Variants in DAB2IP observed in about 807,000 individuals in gnomAD.
The protein encoded by DAB2IP is disabled homolog 2-interacting protein.
Under a neutral mutation model 107.2 loss-of-function variants are expected in DAB2IP, and 28 were observed. The ratio of observed to expected loss-of-function variants is 0.26; its 90% CI spans 0.19 to 0.36. DAB2IP has a LOEUF of 0.36. Among genes scored for constraint, DAB2IP ranks in the 10% least tolerant of loss-of-function variants. The probability of loss-of-function intolerance (pLI) is 1.00; values close to 1 mark genes in which losing one functional copy is unlikely to be tolerated. For synonymous variants in DAB2IP, 755 were observed against 706.4 expected (o/e 1.07, Z -1.09); for missense variants, 1,400 against 1,644.7 (o/e 0.85, Z 2.57).
chr9:121,772,474 C>A lies in DAB2IP; in HGVS notation c.2079-133C>A. 1.1e-6 allele frequency: 1 copy of A among 943,304 alleles called. No homozygotes were observed. Among genetic ancestry groups the A allele is most frequent in the South Asian group, 1.6e-5 (1 of 62,312 alleles). 58.4% of individuals were successfully genotyped at this position (943,304 alleles called of 1,614,324 possible). ...TCCCACTCCTGCCACCCCAGCGCATCCATCTCCCCAGCGCTGGCTCAGGCT... is the reference window on the plus strand; with the variant it reads ...TCCCACTCCTGCCACCCCAGCGCATACATCTCCCCAGCGCTGGCTCAGGCT... On this transcript the variant is annotated intron_variant, in intron 11 of 15. Transcript: ENST00000408936. The surrounding 1 kb of genome is among the most constrained non-coding windows in gnomAD (Gnocchi z 4.7).
intron 3 of DAB2IP, chr9:121,737,764 T>G (rs1171501036): frequency 1.0e-6 from 1 of 985,188 alleles, no homozygotes; most frequent in African/African-American, 1.7e-5. Flanking sequence ...CAAGGAAACT[T>G]CCTCCCCGGT....
At chr9:121,757,766 AG>A (rs1246692184) in intron 4 of DAB2IP, among the ~76,000 whole-genome samples, 2 of 152,206 alleles carry the variant, frequency 1.3e-5, no homozygotes, top group Non-Finnish European at 2.9e-5. Flanking sequence ...CTATTGTTGC[AG>A]GTGTTCCTGG....
intron 13 of DAB2IP, 66 bp downstream of exon 13, chr9:121,774,478 C>T (rs1282075615): frequency 2.0e-6 from 3 of 1,492,674 alleles, no homozygotes; most frequent in Non-Finnish European, 2.7e-6. Context: ...TGGTAGGAGT[C>T]TCTCCCCCAG....
At chr9:121,618,892 C>G (rs1831365463) in intron 1 of DAB2IP, among the ~76,000 whole-genome samples, 1 of 152,152 alleles carries the variant, frequency 6.6e-6, no homozygotes, top group Admixed American at 6.5e-5. Flanking sequence ...CATCCCTAAT[C>G]TGGTCCCAAT....
In DAB2IP at chr9:121,736,175, A is replaced by ATTCC. The variant is rs1831890582; in HGVS notation, c.363-20838_363-20837insTTCC. Reference sequence around the variant, plus strand: ...GACCTCAGTTGTGTTCACTTGTTAAAATGTTGGAATGGAAATGTGGGGAAG... The same window carrying ATTCC: ...GACCTCAGTTGTGTTCACTTGTTAAATTCCATGTTGGAATGGAAATGTGGGGAAG... On this transcript the variant is annotated intron_variant, in intron 3 of 15. Coordinates refer to ENST00000408936, the Ensembl canonical transcript of DAB2IP. This position sits in a 1 kb window ranked among gnomAD's most constrained non-coding sequence, Gnocchi z 4.6. Among the ~76,000 whole-genome samples the ATTCC allele has an allele frequency of 6.6e-6, 1 of 152,160 alleles. No individual in the cohort carries two copies. Among genetic ancestry groups the ATTCC allele is most frequent in the East Asian group, 1.9e-4 (1 of 5,170 alleles).
intron 1 of DAB2IP, among the ~76,000 whole-genome samples, chr9:121,671,507 G>T (rs567500077): frequency 1.6e-4 from 24 of 152,246 alleles, no homozygotes; most frequent in Admixed American, 8.5e-4. Flanking sequence ...TTCTTTGGGG[G>T]ACCATCATTC....
rs1325231654 is a variant in DAB2IP, at chr9:121,736,774, G to A, written c.363-20239G>A. 2.0e-5 allele frequency among the ~76,000 whole-genome samples: 3 copies of A among 152,370 alleles called. No individual in the cohort carries two copies. In the East Asian group the frequency reaches 5.8e-4, roughly 29 times the overall value. On this transcript the variant is annotated intron_variant, in intron 3 of 15. Coordinates refer to ENST00000408936, the Ensembl canonical transcript of DAB2IP. The surrounding 1 kb of genome is among the most constrained non-coding windows in gnomAD (Gnocchi z 4.6). Reference sequence around the variant, plus strand: ...CTTGAAAAATGCATTCATTCATTCAGTACATCTGTCGAGTGTCTACTCTGT... The same window carrying A: ...CTTGAAAAATGCATTCATTCATTCAATACATCTGTCGAGTGTCTACTCTGT...
chr9:121,653,814 G>T (rs1451785645), intron 1 of DAB2IP, among the ~76,000 whole-genome samples: 1 of 152,178 alleles, frequency 6.6e-6, no homozygotes, highest in East Asian at 1.9e-4. Flanking sequence ...CCAGCTCCCA[G>T]ACCCCACATA....
At chr9:121,676,507 T>C (rs1313116354) in intron 1 of DAB2IP, among the ~76,000 whole-genome samples, 1 of 152,212 alleles carries the variant, frequency 6.6e-6, no homozygotes, top group Non-Finnish European at 1.5e-5. Context: ...ACCTCTGCCC[T>C]GTCCTTCTTC....
chr9:121,731,328 C>T (rs1831525589), intron 3 of DAB2IP, among the ~76,000 whole-genome samples: 1 of 152,150 alleles, frequency 6.6e-6, no homozygotes, highest in African/African-American at 2.4e-5. Context: ...ACAGTGATCT[C>T]TCTCCCTCTG....
At chr9:121,573,215 TA>T (rs1564678338) in intron 1 of DAB2IP, among the ~76,000 whole-genome samples, 1 of 151,982 alleles carries the variant, frequency 6.6e-6, no homozygotes, top group Non-Finnish European at 1.5e-5. Flanking sequence ...TAGCTGGGAT[TA>T]CAGGCATGCG....
chr9:121,768,646 G>A lies in DAB2IP; in HGVS notation c.1899+13G>A, dbSNP rs749194473. ...CCAGCTGGAGCAGGTGCCTGTTGCCGTGGGGCGGAGGTGGGGCCAAAAGCT... is the reference window on the plus strand; with the variant it reads ...CCAGCTGGAGCAGGTGCCTGTTGCCATGGGGCGGAGGTGGGGCCAAAAGCT... On this transcript the variant is annotated intron_variant, in intron 10 of 15. Coordinates refer to ENST00000408936, the Ensembl canonical transcript of DAB2IP. 1.9e-6 allele frequency: 3 copies of A among 1,612,510 alleles called. No individual in the cohort carries two copies. Among genetic ancestry groups the A allele is most frequent in the African/African-American group, 1.3e-5 (1 of 74,904 alleles).
At chr9:121,629,430 C>G (rs1390121513) in intron 1 of DAB2IP, among the ~76,000 whole-genome samples, 3 of 152,150 alleles carry the variant, frequency 2.0e-5, no homozygotes, top group Non-Finnish European at 4.4e-5. Flanking sequence ...TCATGGCGCC[C>G]TTTCTTCCTG....
intron 13 of DAB2IP, 82 bp downstream of exon 13, chr9:121,774,494 C>A: frequency 6.9e-7 from 1 of 1,445,422 alleles, no homozygotes; most frequent in Admixed American, 2.7e-5. Context: ...CCCAGGTCCC[C>A]CAGCAACGGG....
intron 3 of DAB2IP, among the ~76,000 whole-genome samples, chr9:121,707,141 G>A (rs1015224709): frequency 1.3e-5 from 2 of 152,210 alleles, no homozygotes; most frequent in Non-Finnish European, 2.9e-5. Context: ...TGCCTTGGCG[G>A]TGGGCTGCTT....
intron 1 of DAB2IP, among the ~76,000 whole-genome samples, chr9:121,625,822 C>T (rs905347460): frequency 2.6e-5 from 4 of 152,138 alleles, no homozygotes; most frequent in Non-Finnish European, 5.9e-5. Flanking sequence ...CTCCATTGAA[C>T]GATCAGGATT....
rs1037833918 is a variant in DAB2IP at position 121,776,793 on chromosome 9, A to C, written c.3314+402A>C. Reference sequence around the variant, plus strand: ...GAGTCTCAGTTACGTATAGTAGATGAAGGTGGAAGACACAGCGTAGCCCCC... The same window carrying C: ...GAGTCTCAGTTACGTATAGTAGATGCAGGTGGAAGACACAGCGTAGCCCCC... On this transcript the variant is annotated intron_variant, in intron 14 of 15. Transcript: ENST00000408936. This position sits in a 1 kb window ranked among gnomAD's most constrained non-coding sequence, Gnocchi z 5.4. Among the ~76,000 whole-genome samples the C allele has an allele frequency of 5.3e-5, 8 of 152,048 alleles. No homozygotes were observed. Among genetic ancestry groups the C allele is most frequent in the African/African-American group, 1.9e-4 (8 of 41,386 alleles).
Position 121,776,014 on chromosome 9 carries a change from C to T in DAB2IP, c.3121-184C>T, listed in dbSNP as rs1268959264. On this transcript the variant is annotated intron_variant, in intron 13 of 15. Coordinates refer to ENST00000408936, the Ensembl canonical transcript of DAB2IP. This position sits in a 1 kb window ranked among gnomAD's most constrained non-coding sequence, Gnocchi z 5.4. ...GGCCCCACGGTGGGGCACAGGCACG[C>T]GTCTGGCTGCAGCCCCCACCAGCTG... Among the ~76,000 whole-genome samples, 3 of 152,124 alleles carry T rather than the reference C, an allele frequency of 2.0e-5. No individual in the cohort carries two copies. The highest frequency in any genetic ancestry group is 1.9e-4 in the East Asian group (1 of 5,170).
intron 1 of DAB2IP, among the ~76,000 whole-genome samples, chr9:121,585,770 C>G (rs1830298840): frequency 6.6e-6 from 1 of 151,858 alleles, no homozygotes; most frequent in Non-Finnish European, 1.5e-5. Context: ...TGGAGGATCA[C>G]ATGAGACCAG....
Sources: gnomAD v4.1 joint callset for allele counts (sites outside exome capture counted in the v4.1 genomes callset) on GRCh38, gnomAD v4.1.1 for gene constraint, Gnocchi (gnomAD v3.1) non-coding constraint, MANE v1.5 for transcripts, NCBI Gene and HGNC (gene_info 2026-07-23, HGNC 2026-07-21) for gene names.